The following ZC3H12B variants were observed in gnomAD, a reference collection of about 807,000 sequenced individuals.
ZC3H12B encodes the protein zinc finger CCCH-type containing 12B.
ZC3H12B carries 7 observed loss-of-function variants against 43.9 expected under a neutral mutation model. That is an observed-to-expected ratio of 0.16 (90% CI 0.09 to 0.30). ZC3H12B has a LOEUF of 0.30. Ranked by LOEUF, ZC3H12B falls within the 10% of genes least tolerant of loss-of-function variation. The probability of loss-of-function intolerance (pLI) is 1.00; values close to 1 mark genes in which losing one functional copy is unlikely to be tolerated. For synonymous variants in ZC3H12B, 222 were observed against 241.7 expected, an observed-to-expected ratio of 0.92 and a Z score of 0.76; for missense variants, 475 against 670.2, an observed-to-expected ratio of 0.71 and a Z score of 3.22.
the ZC3H12B span, among the ~76,000 whole-genome samples, chrX:65,276,794 C>A: frequency 9.0e-6 from 1 of 111,082 alleles, no homozygotes; most frequent in Non-Finnish European, 1.9e-5. Flanking sequence ...AGAAAGAAAC[C>A]CAACTTCAAA....
chrX:65,383,052 C>G (rs937122666), intron 2 of ZC3H12B, among the ~76,000 whole-genome samples: 2 of 111,168 alleles, frequency 1.8e-5, no homozygotes, highest in African/African-American at 6.6e-5. Context: ...AGATTCAATG[C>G]CATCCCCATC....
the ZC3H12B span, among the ~76,000 whole-genome samples, chrX:65,207,618 C>A: frequency 9.2e-6 from 1 of 108,353 alleles, no homozygotes; most frequent in Non-Finnish European, 1.9e-5. Context: ...TGTGATGCCT[C>A]CAGCTTTGTT....
chrX:65,163,812 G>A, the ZC3H12B span, among the ~76,000 whole-genome samples: 7 of 111,845 alleles, frequency 6.3e-5, no homozygotes, highest in South Asian at 3.7e-4. Flanking sequence ...TCCCTAGTGA[G>A]ATGAACCCGG....
intron 3 of ZC3H12B, among the ~76,000 whole-genome samples, chrX:65,459,835 A>G (rs1295962975): frequency 9.0e-6 from 1 of 111,687 alleles, no homozygotes. Flanking sequence ...CCTATTCAAC[A>G]TAGTGTTGGA....
intron 2 of ZC3H12B, among the ~76,000 whole-genome samples, chrX:65,392,555 G>T (rs1474845654): frequency 1.8e-5 from 2 of 110,986 alleles, no homozygotes; most frequent in Non-Finnish European, 1.9e-5. Context: ...GGAGGTGGGG[G>T]TCACCCCCGC....
At chrX:65,098,972 G>C in the ZC3H12B span, among the ~76,000 whole-genome samples, 10 of 111,563 alleles carry the variant, frequency 9.0e-5, no homozygotes, top group Non-Finnish European at 1.5e-4. Flanking sequence ...AGCAAGCTAA[G>C]AACCACTGGC....
At chrX:65,232,055 G>C in the ZC3H12B span, among the ~76,000 whole-genome samples, 1 of 103,253 alleles carries the variant, frequency 9.7e-6, no homozygotes, top group East Asian at 2.9e-4. Context: ...CTAACATGGT[G>C]AAACCCCGTC....
intron 2 of ZC3H12B, among the ~76,000 whole-genome samples, chrX:65,389,610 G>A (rs757629458): frequency 7.1e-5 from 8 of 112,389 alleles, no homozygotes; most frequent in African/African-American, 9.7e-5. Context: ...TCGCCCTTCC[G>A]CTCATGCTTG....
chrX:65,103,383 C>T, the ZC3H12B span, among the ~76,000 whole-genome samples: 1 of 111,960 alleles, frequency 8.9e-6, no homozygotes, highest in African/African-American at 3.2e-5. Context: ...CTGAACATTA[C>T]TGTTATCCTG....
At chrX:65,458,301 G>A (rs1322135821) in intron 3 of ZC3H12B, among the ~76,000 whole-genome samples, 1 of 110,220 alleles carries the variant, frequency 9.1e-6, no homozygotes, top group Non-Finnish European at 1.9e-5. Context: ...ACAGATCAAT[G>A]AGACAGAAAG....
chrX:65,192,077 G>A, the ZC3H12B span, among the ~76,000 whole-genome samples: 1 of 110,284 alleles, frequency 9.1e-6, no homozygotes, highest in African/African-American at 3.3e-5. Flanking sequence ...TCATTGAGGA[G>A]CAGGTTGTTC....
chrX:65,242,751 A>G, the ZC3H12B span, among the ~76,000 whole-genome samples: 1 of 112,318 alleles, frequency 8.9e-6, no homozygotes, highest in African/African-American at 3.2e-5. Context: ...ATAGTACCCA[A>G]AACATCATGA....
the ZC3H12B span, among the ~76,000 whole-genome samples, chrX:65,167,256 C>T: frequency 1.8e-5 from 2 of 112,088 alleles, no homozygotes; most frequent in African/African-American, 6.5e-5. Flanking sequence ...CAGCTTTCTA[C>T]ATATGGCTAG....
At chrX:65,187,982 C>T in the ZC3H12B span, among the ~76,000 whole-genome samples, 1 of 110,805 alleles carries the variant, frequency 9.0e-6, no homozygotes, top group Admixed American at 9.7e-5. Flanking sequence ...CTTTGGTAAC[C>T]ATCATTCTAC....
intron 3 of ZC3H12B, among the ~76,000 whole-genome samples, chrX:65,436,684 A>G (rs145792040): frequency 0.013 from 1,403 of 111,548 alleles, 19 homozygotes; most frequent in African/African-American, 0.044. Flanking sequence ...TTTTAAAAAA[A>G]CTTTTGATTT....
chrX:65,305,483 G>C, the ZC3H12B span, among the ~76,000 whole-genome samples: 1 of 111,871 alleles, frequency 8.9e-6, no homozygotes, highest in Non-Finnish European at 1.9e-5. Context: ...CCTTGGGATC[G>C]TTAGTTATTT....
chrX:65,231,008 A>T, the ZC3H12B span, among the ~76,000 whole-genome samples: 1 of 111,833 alleles, frequency 8.9e-6, no homozygotes, highest in Non-Finnish European at 1.9e-5. Flanking sequence ...TATTGGGGGA[A>T]CCAGCCCCCA....
chrX:65,292,480 G>T, the ZC3H12B span, among the ~76,000 whole-genome samples: 3 of 111,115 alleles, frequency 2.7e-5, no homozygotes, highest in African/African-American at 3.3e-5. Context: ...TTACTGGAGG[G>T]TGGAGGGTTG....
intron 3 of ZC3H12B, among the ~76,000 whole-genome samples, chrX:65,477,857 G>GTA (rs1569421684): frequency 9.3e-6 from 1 of 107,006 alleles, no homozygotes; most frequent in Admixed American, 1.0e-4. Context: ...GTGTGTGTGT[G>GTA]TACACTTGGT....
Sources: gnomAD v4.1 joint callset for allele counts (sites outside exome capture counted in the v4.1 genomes callset) on GRCh38, gnomAD v4.1.1 for gene constraint, MANE v1.5 for transcripts, NCBI Gene and HGNC (gene_info 2026-07-23, HGNC 2026-07-21) for gene names.